DMD: variants seen among roughly 807,000 people sequenced by gnomAD.
DMD encodes the protein dystrophin.
In DMD, 63 loss-of-function variants were observed where a neutral mutation model predicts 330.1. That is an observed-to-expected ratio of 0.19 (90% CI 0.16 to 0.24). The LOEUF is 0.24. Among genes scored for constraint, DMD ranks in the 10% least tolerant of loss-of-function variants. The pLI is 1.00. For missense variants in DMD, 3,344 were observed against 2,684.1 expected (o/e 1.25, Z -5.43); for synonymous variants, 1,223 against 959.8 (o/e 1.27, Z -5.07).
intron 52 of DMD, among the ~76,000 whole-genome samples, chrX:31,721,220 A>G (rs1274577093): frequency 9.0e-6 from 1 of 111,528 alleles, no homozygotes; most frequent in Non-Finnish European, 1.9e-5. Flanking sequence ...CCTCATGATG[A>G]TGGCTGATGA....
intron 2 of DMD, among the ~76,000 whole-genome samples, chrX:32,872,905 TG>T (rs2083107070): frequency 8.9e-6 from 1 of 111,885 alleles, no homozygotes; most frequent in African/African-American, 3.2e-5. Context: ...AGAGAAGCAA[TG>T]GAAGACTCCA....
intron 1 of DMD, among the ~76,000 whole-genome samples, chrX:33,273,716 A>G (rs2053194438): frequency 8.9e-6 from 1 of 112,517 alleles, no homozygotes; most frequent in Non-Finnish European, 1.9e-5. Context: ...GAAGAACACT[A>G]ACTGTTGAAT....
chrX:31,775,370 C>A (rs1372115828), intron 50 of DMD, among the ~76,000 whole-genome samples: 1 of 110,764 alleles, frequency 9.0e-6, no homozygotes, highest in East Asian at 2.8e-4. Flanking sequence ...GATAAGGCCC[C>A]AAAATGTGAA....
chrX:33,303,346 T>C (rs2053696345), intron 1 of DMD, among the ~76,000 whole-genome samples: 1 of 111,796 alleles, frequency 8.9e-6, no homozygotes, highest in Admixed American at 9.6e-5. Context: ...AGAATTATGG[T>C]TTTAAAATCT....
In DMD at chrX:32,813,189, A is replaced by G. The variant is rs186601349; in HGVS notation, c.530+3279T>C. Among the ~76,000 whole-genome samples the G allele has an allele frequency of 1.0e-3, 115 of 112,052 alleles. 1 individual carries two copies. Among genetic ancestry groups the G allele is most frequent in the African/African-American group, 3.7e-3 (115 of 30,882 alleles). On this transcript the variant is annotated intron_variant, in intron 6 of 78. Coordinates refer to ENST00000357033, the MANE Select transcript of DMD (RefSeq NM_004006.3). ...AAAGGCCTTTGAGGTCACGTCTAGCATTAAAAATGAATTGAATTCTTTTAT... is the reference window on the plus strand; with the variant it reads ...AAAGGCCTTTGAGGTCACGTCTAGCGTTAAAAATGAATTGAATTCTTTTAT...
intron 62 of DMD, among the ~76,000 whole-genome samples, chrX:31,310,301 G>A (rs2055399450): frequency 9.3e-6 from 1 of 107,449 alleles, no homozygotes; most frequent in African/African-American, 3.4e-5. Flanking sequence ...ACTTTTAATT[G>A]GATGCATAAA....
At chrX:31,211,463 A>G (rs1388282056) in intron 64 of DMD, among the ~76,000 whole-genome samples, 1 of 112,493 alleles carries the variant, frequency 8.9e-6, no homozygotes, top group Non-Finnish European at 1.9e-5. Context: ...AAGTTTTTCA[A>G]TTATTTTCTT....
intron 63 of DMD, among the ~76,000 whole-genome samples, chrX:31,248,897 G>A (rs1040940731): frequency 2.7e-5 from 3 of 111,287 alleles, no homozygotes; most frequent in East Asian, 2.8e-4. Flanking sequence ...TTCCAACTCC[G>A]CCTTGATGCC....
chrX:31,362,880 G>A (rs988659664), intron 60 of DMD, among the ~76,000 whole-genome samples: 2 of 112,633 alleles, frequency 1.8e-5, no homozygotes, highest in Non-Finnish European at 3.8e-5. Flanking sequence ...AACCCCGGAG[G>A]CGGAGCTTGC....
intron 42 of DMD, among the ~76,000 whole-genome samples, chrX:32,294,690 T>G (rs1422542308): frequency 9.0e-6 from 1 of 111,471 alleles, no homozygotes; most frequent in Non-Finnish European, 1.9e-5. Flanking sequence ...CCTTGGTGCA[T>G]TCTCAGAGAA....
chrX:33,010,784 G>T lies in DMD; in HGVS notation c.93+9355C>A, dbSNP rs916753421. Among the ~76,000 whole-genome samples, 3 of 110,532 alleles carry T rather than the reference G, an allele frequency of 2.7e-5. No homozygotes were observed. The South Asian group carries it at 1.1e-3, about 42-fold the overall frequency. Reference sequence around the variant, plus strand: ...AGGGTTCAATAAATTCCTCAGTGGGGTTTCCTCCAACATTCTCTACTACAG... The same window carrying T: ...AGGGTTCAATAAATTCCTCAGTGGGTTTTCCTCCAACATTCTCTACTACAG... On this transcript the variant is annotated intron_variant, in intron 2 of 78. Coordinates refer to ENST00000357033, the MANE Select transcript of DMD (RefSeq NM_004006.3).
chrX:32,661,077 C>A (rs975917059), intron 9 of DMD, among the ~76,000 whole-genome samples: 1 of 109,431 alleles, frequency 9.1e-6, no homozygotes, highest in African/African-American at 3.4e-5. Context: ...TATCTGAAAA[C>A]CTGTATATTA....
At chrX:32,333,087 C>G (rs772751110) in intron 41 of DMD, among the ~76,000 whole-genome samples, 1 of 111,510 alleles carries the variant, frequency 9.0e-6, no homozygotes, top group African/African-American at 3.2e-5. Flanking sequence ...AAAAACTTAA[C>G]CACCTTCTCA....
chrX:33,122,582 C>CA (rs1308936499), intron 1 of DMD, among the ~76,000 whole-genome samples: 1 of 112,145 alleles, frequency 8.9e-6, no homozygotes, highest in Non-Finnish European at 1.9e-5. Context: ...ATTATGCAGA[C>CA]AAAATCTGAC....
chrX:31,817,378 T>G (rs1322886459), intron 50 of DMD, among the ~76,000 whole-genome samples: 2 of 111,532 alleles, frequency 1.8e-5, no homozygotes, highest in African/African-American at 6.5e-5. Flanking sequence ...ATAGAAACAA[T>G]TCTTTATTCT....
chrX:32,924,996 T>G (rs2088831288), intron 2 of DMD, among the ~76,000 whole-genome samples: 1 of 110,283 alleles, frequency 9.1e-6, no homozygotes, highest in Admixed American at 9.8e-5. Flanking sequence ...TAAGAACAGA[T>G]ACACTCGGAA....
chrX:32,190,817 C>A (rs1293335104), intron 44 of DMD, among the ~76,000 whole-genome samples: 3 of 108,838 alleles, frequency 2.8e-5, no homozygotes, highest in Non-Finnish European at 5.7e-5. Flanking sequence ...GTAGGTAGGG[C>A]TGGCTCTAGG....
chrX:32,729,674 T>A (rs931865949), intron 7 of DMD, among the ~76,000 whole-genome samples: 50 of 112,066 alleles, frequency 4.5e-4, no homozygotes, highest in Non-Finnish European at 8.6e-4. Context: ...GTATCATAGA[T>A]GAAGAAGTGT....
chrX:31,505,996 A>G (rs1212147000), intron 56 of DMD, among the ~76,000 whole-genome samples: 1 of 111,563 alleles, frequency 9.0e-6, no homozygotes, highest in Non-Finnish European at 1.9e-5. Flanking sequence ...GAAATTATTT[A>G]GCCTCTCTGT....
Sources: gnomAD v4.1 joint callset for allele counts (sites outside exome capture counted in the v4.1 genomes callset) on GRCh38, gnomAD v4.1.1 for gene constraint, MANE v1.5 for transcripts, NCBI Gene and HGNC (gene_info 2026-07-23, HGNC 2026-07-21) for gene names.